Variants in WDR25 observed in about 807,000 individuals in gnomAD.
The protein encoded by WDR25 is WD repeat-containing protein 25.
WDR25 carries 35 observed loss-of-function variants against 47.7 expected under a neutral mutation model. That is an observed-to-expected ratio of 0.73 (90% confidence interval 0.56 to 0.97). The LOEUF is 0.97. Among genes scored for constraint, WDR25 ranks in the 50% least tolerant of loss-of-function variants. The pLI, the probability that WDR25 is intolerant of heterozygous loss-of-function variation, is 0.00. For missense variants in WDR25, 634 were observed against 704.7 expected (o/e 0.90, Z 1.14); for synonymous variants, 248 against 278.9 (o/e 0.89, Z 1.10).
chr14:100,518,702 G>A (rs1026817592), intron 4 of WDR25, among the ~76,000 whole-genome samples: 41 of 151,982 alleles, frequency 2.7e-4, no homozygotes, highest in African/African-American at 9.7e-4. Flanking sequence ...ACCAGCCTGG[G>A]CAACATGGTG....
In WDR25 at chr14:100,440,990, A is replaced by C. The variant is rs1010618954; in HGVS notation, c.823-27031A>C. Among the ~76,000 whole-genome samples, 2 of 152,146 alleles carry C rather than the reference A, an allele frequency of 1.3e-5. No individual in the cohort carries two copies. The highest frequency in any genetic ancestry group is 4.8e-5 in the African/African-American group (2 of 41,432). ...TGTGTCAAAGTACCCGGTCCCTGGC[A>C]TTTTGAGAAAGGGATTCTCTGTGGA... is the stretch of plus-strand genomic sequence containing the variant. On this transcript the variant is annotated intron_variant, in intron 2 of 6. Transcript: ENST00000402312. The surrounding 1 kb of genome is among the most constrained non-coding windows in gnomAD (Gnocchi z 4.4).
In WDR25 at chr14:100,409,308, T is replaced by TG. The variant is rs1897637492; in HGVS notation, c.822+27564dup. On this transcript the variant is annotated intron_variant, in intron 2 of 6. Coordinates refer to ENST00000402312, the MANE Select transcript of WDR25 (RefSeq NM_001161476.3). ...GCAAGGTGATGTGGTAGCTTAGGGCTGGTCTTCATGCGTTGTAGGCCTGCA... is the reference window on the plus strand; with the variant it reads ...GCAAGGTGATGTGGTAGCTTAGGGCTGGGTCTTCATGCGTTGTAGGCCTGCA... Among the ~76,000 whole-genome samples the TG allele has an allele frequency of 2.0e-5, 3 of 152,230 alleles. No individual in the cohort carries two copies. In the South Asian group the frequency reaches 6.2e-4, roughly 32 times the overall value.
At chr14:100,401,679 A>T (rs1198513693) in intron 2 of WDR25, among the ~76,000 whole-genome samples, 1 of 152,166 alleles carries the variant, frequency 6.6e-6, no homozygotes, top group Non-Finnish European at 1.5e-5. Flanking sequence ...TTTGTTTCTG[A>T]TCCTAAAGGA....
chr14:100,509,754 A>T (rs879268524), intron 4 of WDR25, among the ~76,000 whole-genome samples: 14 of 152,152 alleles, frequency 9.2e-5, no homozygotes, highest in Admixed American at 7.9e-4. Flanking sequence ...TTTGGGCTTC[A>T]TATTAAAGTC....
chr14:100,408,222 C>G (rs1178438210), intron 2 of WDR25, among the ~76,000 whole-genome samples: 5 of 152,082 alleles, frequency 3.3e-5, no homozygotes, highest in Non-Finnish European at 5.9e-5. Context: ...ATAATCTAGG[C>G]CTCAGGACAG....
chr14:100,465,955 T>C (rs1410382091), intron 2 of WDR25, among the ~76,000 whole-genome samples: 1 of 152,272 alleles, frequency 6.6e-6, no homozygotes. Context: ...GTACTTCGTA[T>C]ATGCAGCTTG....
chr14:100,380,768 A>G (rs2140135361), intron 1 of WDR25, 142 bp from the exon 2 acceptor site: 3 of 754,974 alleles, frequency 4.0e-6, no homozygotes, highest in Admixed American at 5.9e-5. Context: ...TGCTGGGATT[A>G]CAGGCGTGAG....
At chr14:100,439,268 T>A (rs559959568) in intron 2 of WDR25, among the ~76,000 whole-genome samples, 4 of 152,352 alleles carry the variant, frequency 2.6e-5, no homozygotes, top group African/African-American at 9.6e-5. Context: ...TGGCATCTGT[T>A]GCTTGTCAGA....
intron 4 of WDR25, among the ~76,000 whole-genome samples, chr14:100,513,520 A>T (rs560989440): frequency 5.3e-5 from 8 of 152,376 alleles, no homozygotes; most frequent in Middle Eastern, 3.4e-3. Context: ...GCAGGAATGC[A>T]CTAAGACAAG....
chr14:100,468,102 C>G lies in WDR25; in HGVS notation c.904C>G (p.Pro302Ala), dbSNP rs1182904413. ...TEAVRAARWA[P>A]CGRRILSGGF... Reference sequence around the variant, plus strand: ...GGCAGTGCGGGCCGCCCGGTGGGCTCCCTGTGGCCGGCGCATCCTCAGTGG... The same window carrying G: ...GGCAGTGCGGGCCGCCCGGTGGGCTGCCTGTGGCCGGCGCATCCTCAGTGG... The change falls in exon 3 of 7, where the codon CCC becomes GCC. Residue 302 changes from proline (P) to alanine (A), a missense_variant. Physicochemically the swap from Pro to Ala is conservative, Grantham distance 27. Transcript: ENST00000402312. This position sits in a 1 kb window ranked among gnomAD's most constrained non-coding sequence, Gnocchi z 4.5. The G allele has an allele frequency of 6.2e-7, 1 of 1,613,446 alleles. No individual in the cohort carries two copies. Among genetic ancestry groups the G allele is most frequent in the African/African-American group, 1.3e-5 (1 of 74,944 alleles).
chr14:100,399,165 C>G lies in WDR25; in HGVS notation c.822+17419C>G, dbSNP rs34404414. ...GCTAATGTTGACATTAGCTAGAATT[C>G]GAATTTAGACTGCTTACCACATTGA... On this transcript the variant is annotated intron_variant, in intron 2 of 6. Coordinates refer to ENST00000402312, the MANE Select transcript of WDR25 (RefSeq NM_001161476.3). Among the ~76,000 whole-genome samples, 50 of 151,574 alleles carry G rather than the reference C, an allele frequency of 3.3e-4. No homozygotes were observed. In the South Asian group the frequency reaches 0.01, roughly 30 times the overall value.
At chr14:100,441,709 C>T (rs532560307) in intron 2 of WDR25, among the ~76,000 whole-genome samples, 37 of 152,316 alleles carry the variant, frequency 2.4e-4, no homozygotes, top group African/African-American at 8.7e-4. Context: ...GACAATCCTA[C>T]TTTCGCTTCT....
chr14:100,446,818 T>C (rs1394798409), intron 2 of WDR25, among the ~76,000 whole-genome samples: 1 of 152,150 alleles, frequency 6.6e-6, no homozygotes, highest in Non-Finnish European at 1.5e-5. Flanking sequence ...GGCGTGGTTA[T>C]GTCCTAACCC....
At chr14:100,429,927 C>A (rs1368251205) in intron 2 of WDR25, among the ~76,000 whole-genome samples, 1 of 152,124 alleles carries the variant, frequency 6.6e-6, no homozygotes, top group Non-Finnish European at 1.5e-5. Flanking sequence ...TTTAGCCTTC[C>A]TTCCTTCCTT....
At chr14:100,433,670 C>T (rs575706386) in intron 2 of WDR25, among the ~76,000 whole-genome samples, 7 of 152,122 alleles carry the variant, frequency 4.6e-5, no homozygotes, top group Admixed American at 2.0e-4. Context: ...CATTCCCCCC[C>T]CATTAGTCTG....
rs1696453037 is a variant in WDR25, at chr14:100,502,274, C to A, written c.1101+18150C>A. On this transcript the variant is annotated intron_variant, in intron 4 of 6. Transcript: ENST00000402312. The surrounding 1 kb of genome is among the most constrained non-coding windows in gnomAD (Gnocchi z 4.5). ...CTGTACATTGTCCGAGGGACAGTTT[C>A]ATAACTTCCCTGCTTAAGGGGAAAG... 6.6e-6 allele frequency among the ~76,000 whole-genome samples: 1 copy of A among 152,184 alleles called. No homozygotes were observed. Among genetic ancestry groups the A allele is most frequent in the Admixed American group, 6.5e-5 (1 of 15,286 alleles).
intron 2 of WDR25, among the ~76,000 whole-genome samples, chr14:100,393,643 C>T (rs1051307740): frequency 2.0e-5 from 3 of 152,120 alleles, no homozygotes; most frequent in Non-Finnish European, 2.9e-5. Context: ...AAGAACTTTC[C>T]GGTGCTCAGA....
intron 2 of WDR25, among the ~76,000 whole-genome samples, chr14:100,437,053 C>G (rs942952450): frequency 6.6e-6 from 1 of 152,168 alleles, no homozygotes; most frequent in Non-Finnish European, 1.5e-5. Flanking sequence ...CCCTTCAGTG[C>G]TTGGTGAGGG....
At chr14:100,481,680 T>A (rs1373625854) in intron 3 of WDR25, among the ~76,000 whole-genome samples, 1 of 152,250 alleles carries the variant, frequency 6.6e-6, no homozygotes. Flanking sequence ...TCCCTTGTTT[T>A]TTAGTAGAAT....
Sources: gnomAD v4.1 joint callset for allele counts (sites outside exome capture counted in the v4.1 genomes callset) on GRCh38, gnomAD v4.1.1 for gene constraint, Gnocchi (gnomAD v3.1) non-coding constraint, MANE v1.5 for transcripts, NCBI Gene and HGNC (gene_info 2026-07-23, HGNC 2026-07-21) for gene names.